Variants in LRRTM4 observed in about 807,000 individuals in gnomAD.
The protein encoded by LRRTM4 is leucine-rich repeat transmembrane neuronal protein 4.
Under a neutral mutation model 47.6 loss-of-function variants are expected in LRRTM4, and 25 were observed. The observed-to-expected ratio is 0.53, with a 90% CI of 0.38 to 0.73. The LOEUF (loss-of-function observed/expected upper bound fraction) is 0.73. Among genes scored for constraint, LRRTM4 ranks in the 30% least tolerant of loss-of-function variants. The probability of loss-of-function intolerance (pLI) is 0.00; values close to 1 mark genes in which losing one functional copy is unlikely to be tolerated. For missense variants in LRRTM4, 638 were observed against 713.4 expected (o/e 0.89, Z 1.20); for synonymous variants, 311 against 269.5 (o/e 1.15, Z -1.51).
chr2:77,305,592 A>G (rs2104176592), intron 3 of LRRTM4, among the ~76,000 whole-genome samples: 1 of 152,224 alleles, frequency 6.6e-6, no homozygotes, highest in Non-Finnish European at 1.5e-5. Context: ...TTCAACAGGC[A>G]TAGTCCTAAA....
chr2:76,837,410 G>C (rs2103918423), intron 3 of LRRTM4, among the ~76,000 whole-genome samples: 1 of 151,560 alleles, frequency 6.6e-6, no homozygotes, highest in Middle Eastern at 3.4e-3. Context: ...GTTATTTCTT[G>C]CCTTCTGCTA....
intron 3 of LRRTM4, among the ~76,000 whole-genome samples, chr2:77,158,786 G>T (rs938776475): frequency 1.4e-5 from 2 of 145,902 alleles, no homozygotes; most frequent in South Asian, 2.2e-4. Context: ...TGCTTTTTTC[G>T]TTTTTTTTTC....
At chr2:76,775,136 G>T (rs558207598) in intron 3 of LRRTM4, among the ~76,000 whole-genome samples, 1 of 152,078 alleles carries the variant, frequency 6.6e-6, no homozygotes, top group African/African-American at 2.4e-5. Flanking sequence ...TAAATCTTAT[G>T]AATTCATTCA....
intron 3 of LRRTM4, among the ~76,000 whole-genome samples, chr2:77,340,916 T>A (rs963076221): frequency 6.6e-6 from 1 of 151,874 alleles, no homozygotes; most frequent in Non-Finnish European, 1.5e-5. Context: ...TATCACACAA[T>A]CTCATAAAAT....
intron 3 of LRRTM4, among the ~76,000 whole-genome samples, chr2:77,453,873 T>C (rs980717631): frequency 3.9e-5 from 6 of 152,150 alleles, no homozygotes; most frequent in Non-Finnish European, 8.8e-5. Context: ...TTGTTTTGTT[T>C]TCTAACCCCC....
chr2:76,939,751 A>T (rs1228172764), intron 3 of LRRTM4, among the ~76,000 whole-genome samples: 2 of 152,070 alleles, frequency 1.3e-5, no homozygotes, highest in South Asian at 2.1e-4. Context: ...TTTTTAAGTG[A>T]TATCCTTTTG....
Position 77,209,426 on chromosome 2 carries a change from G to GA in LRRTM4, c.1551+308891dup, listed in dbSNP as rs796142527. Among the ~76,000 whole-genome samples, 786 of 130,024 alleles carry GA rather than the reference G, an allele frequency of 6.0e-3. 3 individuals carry two copies. The highest frequency in any genetic ancestry group is 8.1e-3 in the Middle Eastern group (2 of 248). 85.3% of individuals were successfully genotyped at this position (130,024 alleles called of 152,430 possible). A position where few individuals can be genotyped will look rare whatever the true frequency, so the allele number is the denominator to read the frequency against. On this transcript the variant is annotated intron_variant, in intron 3 of 3. Coordinates refer to ENST00000409884, the MANE Select transcript of LRRTM4 (RefSeq NM_001134745.3). The stretch of plus-strand genomic sequence containing the variant: ...TGATGTGTTTGAGTGGCTTTTGTAA[G>GA]AAAAAAAAAAAAACAAAAAACCAAC...
At position 77,081,229 on chromosome 2, in the gene LRRTM4, C is replaced by T. The variant is rs187704507; in HGVS notation, c.1552-332313G>A. On this transcript the variant is annotated intron_variant, in intron 3 of 3. Transcript: ENST00000409884. ...CTGTTCCCTAAAGTATTCCCAGCAC[C>T]GAAAAATACCTGACAGCAACACACA... Among the ~76,000 whole-genome samples, 587 of 137,336 alleles carry T rather than the reference C, an allele frequency of 4.3e-3. 7 individuals are homozygous for T. The highest frequency in any genetic ancestry group is 7.3e-3 in the South Asian group (30 of 4,096). 90.1% of individuals were successfully genotyped at this position (137,336 alleles called of 152,430 possible). A position where few individuals can be genotyped will look rare whatever the true frequency, so the allele number is the denominator to read the frequency against.
intron 3 of LRRTM4, among the ~76,000 whole-genome samples, chr2:76,958,325 T>C (rs538164612): frequency 1.3e-5 from 2 of 151,886 alleles, no homozygotes; most frequent in East Asian, 3.9e-4. Flanking sequence ...TTTGACTCTA[T>C]GGTTTTCTGG....
chr2:77,016,546 A>G (rs10204901), intron 3 of LRRTM4, among the ~76,000 whole-genome samples: 1 of 152,154 alleles, frequency 6.6e-6, no homozygotes, highest in Admixed American at 6.5e-5. Flanking sequence ...ATGTTGCCTT[A>G]TATCAGCTCA....
chr2:76,934,019 G>A (rs530171615), intron 3 of LRRTM4, among the ~76,000 whole-genome samples: 23 of 152,172 alleles, frequency 1.5e-4, no homozygotes, highest in African/African-American at 5.3e-4. Context: ...TGGCTAAGAC[G>A]TCGATAACAT....
At chr2:77,482,475 A>T (rs1677745880) in intron 3 of LRRTM4, among the ~76,000 whole-genome samples, 1 of 150,498 alleles carries the variant, frequency 6.6e-6, no homozygotes, top group African/African-American at 2.4e-5. Flanking sequence ...CCTGTGATTA[A>T]TTTCTATGCT....
chr2:77,059,840 T>G (rs1052537629), intron 3 of LRRTM4, among the ~76,000 whole-genome samples: 4 of 152,190 alleles, frequency 2.6e-5, no homozygotes, highest in Non-Finnish European at 5.9e-5. Context: ...CCTTGTGAAG[T>G]CTATTATACC....
At chr2:77,303,388 A>G (rs1165620461) in intron 3 of LRRTM4, among the ~76,000 whole-genome samples, 1 of 152,224 alleles carries the variant, frequency 6.6e-6, no homozygotes, top group African/African-American at 2.4e-5. Context: ...TTTAGCAGAG[A>G]AGACATTTAT....
intron 3 of LRRTM4, among the ~76,000 whole-genome samples, chr2:76,756,554 C>A (rs1673036991): frequency 6.6e-6 from 1 of 152,136 alleles, no homozygotes; most frequent in Non-Finnish European, 1.5e-5. Flanking sequence ...GAAGGTAATT[C>A]TTCAAGTGAC....
chr2:77,516,603 T>C, intron 3 of LRRTM4: 1 of 982,000 alleles, frequency 1.0e-6, no homozygotes. Context: ...CTTGTGTTAC[T>C]AATACTCAAG....
intron 3 of LRRTM4, among the ~76,000 whole-genome samples, chr2:77,486,558 TTATAA>T (rs1246526530): frequency 1.3e-5 from 2 of 152,050 alleles, no homozygotes; most frequent in Non-Finnish European, 2.9e-5. Flanking sequence ...AAAATAACAA[TTATAA>T]TATTAACCAA....
At chr2:76,866,199 T>C (rs971567037) in intron 3 of LRRTM4, among the ~76,000 whole-genome samples, 2 of 152,196 alleles carry the variant, frequency 1.3e-5, no homozygotes, top group Non-Finnish European at 2.9e-5. Context: ...ATTAAATAAC[T>C]GAATCCCTTT....
At chr2:76,947,351 A>C (rs1239887556) in intron 3 of LRRTM4, among the ~76,000 whole-genome samples, 1 of 151,882 alleles carries the variant, frequency 6.6e-6, no homozygotes, top group Non-Finnish European at 1.5e-5. Flanking sequence ...GATAGGCTGC[A>C]TAACTTCTCT....
Sources: allele counts gnomAD v4.1 joint callset (sites outside exome capture counted in the v4.1 genomes callset), GRCh38; gene constraint gnomAD v4.1.1; transcripts MANE v1.5; gene names NCBI Gene and HGNC (gene_info 2026-07-23, HGNC 2026-07-21).